The following PIEZO2 variants were observed in gnomAD, a reference collection of about 807,000 sequenced individuals.
PIEZO2 encodes piezo-type mechanosensitive ion channel component 2.
PIEZO2 carries 172 observed loss-of-function variants against 337.3 expected under a neutral mutation model. The ratio of observed to expected loss-of-function variants is 0.51; its 90% CI spans 0.45 to 0.58. The LOEUF is 0.58. Ranked by LOEUF, PIEZO2 falls within the 20% of genes least tolerant of loss-of-function variation. The pLI, the probability that PIEZO2 is intolerant of heterozygous loss-of-function variation, is 0.00. For synonymous variants in PIEZO2, 1,251 were observed against 1,228.5 expected (o/e 1.02, Z -0.38); for missense variants, 3,028 against 3,391.3 (o/e 0.89, Z 2.66).
chr18:10,909,046 C>A (rs2030218950), intron 4 of PIEZO2, among the ~76,000 whole-genome samples: 1 of 152,150 alleles, frequency 6.6e-6, no homozygotes, highest in African/African-American at 2.4e-5. Flanking sequence ...CTGTCTATGG[C>A]TGCTGGGAGG....
chr18:10,947,470 C>T (rs7232149), intron 3 of PIEZO2, among the ~76,000 whole-genome samples: 21,218 of 152,052 alleles, frequency 0.14, 2,493 homozygotes, highest in African/African-American at 0.32. Flanking sequence ...AAAAGATGGG[C>T]AAAGATGTGC....
intron 2 of PIEZO2, among the ~76,000 whole-genome samples, chr18:10,996,528 A>G (rs1026348686): frequency 2.0e-5 from 3 of 152,172 alleles, no homozygotes; most frequent in Non-Finnish European, 4.4e-5. Flanking sequence ...ACCCCTGGCA[A>G]CTGTAAGTCA....
chr18:10,823,729 TG>T lies in PIEZO2; in HGVS notation c.918-16456del, dbSNP rs370856834. Among the ~76,000 whole-genome samples, 803 of 152,274 alleles carry T rather than the reference TG, an allele frequency of 5.3e-3. 11 individuals carry two copies. The highest frequency in any genetic ancestry group is 0.018 in the African/African-American group (766 of 41,556). On this transcript the variant is annotated intron_variant, in intron 7 of 55. Transcript: ENST00000674853. ...ATACAAGCAATACAAAGCTAGTCTT[TG>T]AAGAATCAGAGGGAAAAAGAATCCC...
At chr18:10,702,426 C>T (rs1323899169) in intron 42 of PIEZO2, among the ~76,000 whole-genome samples, 1 of 152,150 alleles carries the variant, frequency 6.6e-6, no homozygotes, top group East Asian at 1.9e-4. Flanking sequence ...TCTCAGGGCA[C>T]CGCTTTGATT....
intron 7 of PIEZO2, among the ~76,000 whole-genome samples, chr18:10,848,541 C>T (rs1032400652): frequency 3.3e-5 from 5 of 152,166 alleles, no homozygotes; most frequent in African/African-American, 1.2e-4. Context: ...AGAGAGAATG[C>T]TATTTTCATA....
chr18:10,841,772 G>A (rs2041199722), intron 7 of PIEZO2, among the ~76,000 whole-genome samples: 1 of 152,068 alleles, frequency 6.6e-6, no homozygotes, highest in Non-Finnish European at 1.5e-5. Context: ...TAAATACATG[G>A]GCAATTATAA....
chr18:10,769,265 C>T (rs999653126), intron 21 of PIEZO2, among the ~76,000 whole-genome samples: 7 of 152,204 alleles, frequency 4.6e-5, no homozygotes, highest in African/African-American at 9.7e-5. Flanking sequence ...CATTTCCCCA[C>T]GAATCTCGCA....
chr18:10,762,200 C>T (rs1417260255), intron 23 of PIEZO2, among the ~76,000 whole-genome samples: 1 of 152,196 alleles, frequency 6.6e-6, no homozygotes, highest in African/African-American at 2.4e-5. Context: ...TTTAGACATG[C>T]TTCAATTCTA....
Position 10,846,792 on chromosome 18 carries a change from T to C in PIEZO2, c.917+8561A>G, listed in dbSNP as rs887854210. Among the ~76,000 whole-genome samples the C allele has an allele frequency of 1.3e-5, 2 of 152,128 alleles. No individual in the cohort carries two copies. Among genetic ancestry groups the C allele is most frequent in the Admixed American group, 1.3e-4 (2 of 15,276 alleles). ...GACAAACAGGAGCCAGTGAGAGCAG[T>C]GAGCAGGAGATTTCCAGCAAAGGAA... On this transcript the variant is annotated intron_variant, in intron 7 of 55. Transcript: ENST00000674853. This position sits in a 1 kb window ranked among gnomAD's most constrained non-coding sequence, Gnocchi z 4.1.
intron 39 of PIEZO2, among the ~76,000 whole-genome samples, chr18:10,711,628 C>T (rs4797468): frequency 0.29 from 43,920 of 151,872 alleles, 6,482 homozygotes; most frequent in East Asian, 0.4. Context: ...AAAAAAATCT[C>T]TGTATTACAA....
In PIEZO2 at chr18:11,027,824, ACTTGGT is replaced by A. The variant is rs60319612; in HGVS notation, c.160+38297_160+38302del. The stretch of plus-strand genomic sequence containing the variant: ...TTCAATACTGAAATTTCAGCTTATG[ACTTGGT>A]AAGTGGTTTTTCCATTTGAGAGTTT... On this transcript the variant is annotated intron_variant, in intron 2 of 55. Transcript: ENST00000674853. This position sits in a 1 kb window ranked among gnomAD's most constrained non-coding sequence, Gnocchi z 4.2. Among the ~76,000 whole-genome samples the A allele has an allele frequency of 0.24, 36,944 of 152,012 alleles. 4,993 individuals carry two copies. The highest frequency in any genetic ancestry group is 0.36 in the African/African-American group (14,954 of 41,426).
chr18:10,941,318 T>C (rs264156), intron 3 of PIEZO2, among the ~76,000 whole-genome samples: 7,170 of 152,194 alleles, frequency 0.047, 292 homozygotes, highest in African/African-American at 0.11. Flanking sequence ...TATTAGATAA[T>C]AATACAGAAC....
Position 11,094,859 on chromosome 18 carries a change from C to T in PIEZO2, c.65-28637G>A, listed in dbSNP as rs1159779457. On this transcript the variant is annotated intron_variant, in intron 1 of 55. Transcript: ENST00000674853. This position sits in a 1 kb window ranked among gnomAD's most constrained non-coding sequence, Gnocchi z 4.4. ...GATTTAGAAGCACTTAGTAAAATGT[C>T]CAGTGAGACACCACAGGGATGGCCT... Among the ~76,000 whole-genome samples, 2 of 152,164 alleles carry T rather than the reference C, an allele frequency of 1.3e-5. No homozygotes were observed. The highest frequency in any genetic ancestry group is 4.8e-5 in the African/African-American group (2 of 41,444).
chr18:10,901,621 T>G (rs1236498268), intron 4 of PIEZO2, among the ~76,000 whole-genome samples: 1 of 152,170 alleles, frequency 6.6e-6, no homozygotes, highest in Non-Finnish European at 1.5e-5. Flanking sequence ...GAACCTTGGT[T>G]TCTATGTCCA....
At chr18:10,694,375 T>A (rs1312936428) in intron 47 of PIEZO2, among the ~76,000 whole-genome samples, 1 of 141,474 alleles carries the variant, frequency 7.1e-6, no homozygotes, top group African/African-American at 2.5e-5. Flanking sequence ...GTAAAATCCA[T>A]TTTTTTTATT....
intron 1 of PIEZO2, among the ~76,000 whole-genome samples, chr18:11,089,054 G>A (rs76871445): frequency 0.075 from 11,486 of 152,166 alleles, 481 homozygotes; most frequent in Middle Eastern, 0.19. Flanking sequence ...TCTAGGGTTC[G>A]TATGTGCATG....
intron 1 of PIEZO2, among the ~76,000 whole-genome samples, chr18:11,134,882 G>T (rs2040437811): frequency 1.3e-5 from 2 of 152,154 alleles, no homozygotes; most frequent in African/African-American, 4.8e-5. Flanking sequence ...AACAAAGCAT[G>T]ATTTGGTGAA....
chr18:10,845,534 G>T (rs532518914), intron 7 of PIEZO2, among the ~76,000 whole-genome samples: 1 of 152,240 alleles, frequency 6.6e-6, no homozygotes, highest in South Asian at 2.1e-4. Context: ...AAAATTCCAG[G>T]GGGAACATGG....
Position 10,954,724 on chromosome 18 carries a change from T to G in PIEZO2, c.286+24811A>C, listed in dbSNP as rs2033444248. ...TGGTGATGGCTGTGGCAGAAGCAAG[T>G]GGCCACAGGTCCCAGAGACAGGGGA... On this transcript the variant is annotated intron_variant, in intron 3 of 55. Coordinates refer to ENST00000674853, the MANE Select transcript of PIEZO2 (RefSeq NM_001378183.1). The surrounding 1 kb of genome is among the most constrained non-coding windows in gnomAD (Gnocchi z 4.2). 6.6e-6 allele frequency among the ~76,000 whole-genome samples: 1 copy of G among 152,154 alleles called. No individual in the cohort carries two copies. Among genetic ancestry groups the G allele is most frequent in the African/African-American group, 2.4e-5 (1 of 41,426 alleles).
Sources: allele counts gnomAD v4.1 joint callset (sites outside exome capture counted in the v4.1 genomes callset), GRCh38; gene constraint gnomAD v4.1.1; non-coding constraint Gnocchi (gnomAD v3.1); transcripts MANE v1.5; gene names NCBI Gene and HGNC (gene_info 2026-07-23, HGNC 2026-07-21).